CBFB: variants seen among roughly 807,000 people sequenced by gnomAD.
CBFB encodes CBF-beta.
A neutral mutation model predicts 30.4 loss-of-function variants in CBFB; 9 were observed. That is an observed-to-expected ratio of 0.30 (90% CI 0.18 to 0.52). The LOEUF (loss-of-function observed/expected upper bound fraction) is 0.52, where lower values mean the gene tolerates loss of function less well. CBFB is among the 20% of genes least tolerant of loss of function. The pLI is 0.97. For synonymous variants in CBFB, 94 were observed against 84.0 expected, an observed-to-expected ratio of 1.12 and a Z score of -0.65; for missense variants, 170 against 244.0, an observed-to-expected ratio of 0.70 and a Z score of 2.02.
At chr16:67,047,521 C>T (rs968810511) in intron 3 of CBFB, among the ~76,000 whole-genome samples, 9 of 152,108 alleles carry the variant, frequency 5.9e-5, no homozygotes, top group African/African-American at 2.2e-4. Context: ...CTTGTGACTT[C>T]GACATTTACA....
intron 5 of CBFB, among the ~76,000 whole-genome samples, chr16:67,096,520 G>C (rs1260683294): frequency 6.6e-6 from 1 of 151,712 alleles, no homozygotes; most frequent in Admixed American, 6.6e-5. Context: ...ACCATAAGGG[G>C]TTTAAATAGG....
At chr16:67,062,376 C>A (rs1960936647) in intron 3 of CBFB, among the ~76,000 whole-genome samples, 1 of 150,232 alleles carries the variant, frequency 6.7e-6, no homozygotes, top group Non-Finnish European at 1.5e-5. Context: ...GCCATGTTGG[C>A]CGGGCTGGTT....
At chr16:67,085,739 G>T (rs566382997) in intron 5 of CBFB, among the ~76,000 whole-genome samples, 2 of 147,446 alleles carry the variant, frequency 1.4e-5, no homozygotes, top group Non-Finnish European at 1.5e-5. Context: ...GTGCAGTGGC[G>T]CATTCTCAGC....
chr16:67,044,676 T>G (rs764634921), intron 3 of CBFB, among the ~76,000 whole-genome samples: 13 of 152,232 alleles, frequency 8.5e-5, no homozygotes, highest in East Asian at 5.8e-4. Flanking sequence ...TGATTCTGCT[T>G]CTTCTGGTAC....
chr16:67,085,622 AG>A (rs1241925667), intron 5 of CBFB, among the ~76,000 whole-genome samples: 1 of 150,930 alleles, frequency 6.6e-6, no homozygotes, highest in African/African-American at 2.4e-5. Flanking sequence ...GACCTCCCAA[AG>A]TGCTGGGATT....
intron 3 of CBFB, among the ~76,000 whole-genome samples, chr16:67,060,434 T>TG (rs1312333243): frequency 1.3e-5 from 2 of 152,202 alleles, no homozygotes; most frequent in African/African-American, 2.4e-5. Context: ...ATCCCATACA[T>TG]GGTAGCAATT....
At chr16:67,029,597 A>T (rs1443096581) in intron 1 of CBFB, 112 bp downstream of exon 1, 12 of 1,314,882 alleles carry the variant, frequency 9.1e-6, no homozygotes, top group Non-Finnish European at 1.0e-5. Flanking sequence ...GCGCCCGCGG[A>T]GGGGCAATCT....
chr16:67,086,081 C>G (rs1284051461), intron 5 of CBFB, among the ~76,000 whole-genome samples: 1 of 152,128 alleles, frequency 6.6e-6, no homozygotes, highest in East Asian at 1.9e-4. Context: ...TACTTGTTAG[C>G]TAAGAGAAGA....
intron 5 of CBFB, among the ~76,000 whole-genome samples, chr16:67,096,325 A>G (rs577807587): frequency 6.6e-6 from 1 of 152,162 alleles, no homozygotes; most frequent in African/African-American, 2.4e-5. Flanking sequence ...AAAAAAAATA[A>G]TAATAATTAG....
At chr16:67,030,466 A>C (rs948365177) in intron 2 of CBFB, among the ~76,000 whole-genome samples, 1 of 151,972 alleles carries the variant, frequency 6.6e-6, no homozygotes, top group Admixed American at 6.6e-5. Context: ...TAGGAGGCAG[A>C]TTTAGTGCGT....
Position 67,077,677 on chromosome 16 carries a change from A to T in CBFB, c.400-4536A>T, listed in dbSNP as rs577269915. 5.3e-5 allele frequency among the ~76,000 whole-genome samples: 8 copies of T among 152,322 alleles called. No homozygotes were observed. In the South Asian group the frequency reaches 1.7e-3, roughly 32 times the overall value. On this transcript the variant is annotated intron_variant, in intron 4 of 5. Transcript: ENST00000412916. ...CTGTCTTGGAAAAAAATTGATTCTT[A>T]ATTTTTTAATTAAGCATGAACTTCC... is the stretch of plus-strand genomic sequence containing the variant.
At chr16:67,077,471 C>T (rs1464096628) in intron 4 of CBFB, among the ~76,000 whole-genome samples, 3 of 152,184 alleles carry the variant, frequency 2.0e-5, no homozygotes, top group African/African-American at 7.2e-5. Context: ...TTACGTGCTA[C>T]AGATTGATGT....
rs377543205 is a variant in CBFB at position 67,099,868 on chromosome 16, A to G, written c.*1090A>G. 4.7e-6 allele frequency: 1 copy of G among 212,830 alleles called. No individual in the cohort carries two copies. The highest frequency in any genetic ancestry group is 2.3e-5 in the African/African-American group (1 of 44,168). 13.2% of individuals were successfully genotyped at this position (212,830 alleles called of 1,614,324 possible). On this transcript the variant is annotated 3_prime_UTR_variant, in exon 6 of 6. Transcript: ENST00000412916. ...TGTATTTTATATTGCATGCTTTTGT[A>G]AAAACATGCTGGGTGATGAAAGATT... is the stretch of plus-strand genomic sequence containing the variant.
chr16:67,078,991 C>T (rs960730818), intron 4 of CBFB, among the ~76,000 whole-genome samples: 2 of 152,104 alleles, frequency 1.3e-5, no homozygotes, highest in Admixed American at 6.6e-5. Context: ...GCAGATGTGT[C>T]CCAGTTGATA....
At chr16:67,043,475 A>G (rs1406061169) in intron 3 of CBFB, among the ~76,000 whole-genome samples, 2 of 152,236 alleles carry the variant, frequency 1.3e-5, no homozygotes, top group Non-Finnish European at 2.9e-5. Flanking sequence ...TACCTTACAT[A>G]TGACCAAGTC....
intron 3 of CBFB, among the ~76,000 whole-genome samples, chr16:67,057,692 T>C (rs1281843806): frequency 6.6e-6 from 1 of 152,236 alleles, no homozygotes; most frequent in Admixed American, 6.5e-5. Context: ...TGGTTAGTTA[T>C]GTTAATTTTG....
At chr16:67,081,008 G>A (rs1431650185) in intron 4 of CBFB, among the ~76,000 whole-genome samples, 1 of 151,722 alleles carries the variant, frequency 6.6e-6, no homozygotes, top group African/African-American at 2.4e-5. Flanking sequence ...TTAAGTTTTA[G>A]GGTACGTGTA....
intron 2 of CBFB, among the ~76,000 whole-genome samples, chr16:67,034,890 C>T (rs1326695341): frequency 5.9e-5 from 9 of 152,170 alleles, no homozygotes; most frequent in Non-Finnish European, 1.5e-5. Context: ...TCATATTATT[C>T]AGCAGACACT....
rs1035041268 is a variant in CBFB at position 67,100,757 on chromosome 16, A to T, written c.*1979A>T. ...TTCCTGTTACCATCCTAATGTAAAT[A>T]CTGGATTTTTCTGTCATTTAGCACC... On this transcript the variant is annotated 3_prime_UTR_variant, in exon 6 of 6. Transcript: ENST00000412916. 7 of 217,518 alleles carry T rather than the reference A, an allele frequency of 3.2e-5. No homozygotes were observed. Among genetic ancestry groups the T allele is most frequent in the Admixed American group, 1.7e-4 (3 of 17,232 alleles). 13.5% of individuals were successfully genotyped at this position (217,518 alleles called of 1,614,324 possible). A position where few individuals can be genotyped will look rare whatever the true frequency, so the allele number is the denominator to read the frequency against.
Sources: allele counts gnomAD v4.1 joint callset (sites outside exome capture counted in the v4.1 genomes callset), GRCh38; gene constraint gnomAD v4.1.1; transcripts MANE v1.5; gene names NCBI Gene and HGNC (gene_info 2026-07-23, HGNC 2026-07-21).